The following CPVL variants were observed in gnomAD, a reference collection of about 807,000 sequenced individuals.
CPVL encodes the protein carboxypeptidase vitellogenic like, also known as probable serine carboxypeptidase CPVL.
Under a neutral mutation model 63.7 loss-of-function variants are expected in CPVL, and 51 were observed. The ratio of observed to expected loss-of-function variants is 0.80; its 90% CI spans 0.64 to 1.01. The LOEUF (loss-of-function observed/expected upper bound fraction) is 1.01, where lower values mean the gene tolerates loss of function less well. CPVL is among the 50% of genes least tolerant of loss of function. CPVL has a pLI of 0.00. For missense variants in CPVL, 530 were observed against 573.1 expected, an observed-to-expected ratio of 0.92 and a Z score of 0.77; for synonymous variants, 195 against 206.0, an observed-to-expected ratio of 0.95 and a Z score of 0.46.
At chr7:29,190,904 G>T (rs1478402703) in intron 1 of CPVL, among the ~76,000 whole-genome samples, 1 of 151,442 alleles carries the variant, frequency 6.6e-6, no homozygotes, top group Non-Finnish European at 1.5e-5. Flanking sequence ...CAATACAGGG[G>T]CTGGGCAAAC....
At chr7:29,131,050 G>C (rs1166169474) in intron 1 of CPVL, among the ~76,000 whole-genome samples, 1 of 152,160 alleles carries the variant, frequency 6.6e-6, no homozygotes, top group East Asian at 1.9e-4. Flanking sequence ...AGTCAGTGTA[G>C]CTCTGTTCTT....
At chr7:29,105,993 G>A (rs1234673830) in intron 3 of CPVL, among the ~76,000 whole-genome samples, 1 of 152,234 alleles carries the variant, frequency 6.6e-6, no homozygotes, top group Non-Finnish European at 1.5e-5. Context: ...AAGTTAGGGA[G>A]GGGACCCTTC....
chr7:29,144,869 C>T (rs1274444583), intron 1 of CPVL, among the ~76,000 whole-genome samples: 1 of 152,064 alleles, frequency 6.6e-6, no homozygotes, highest in Non-Finnish European at 1.5e-5. Flanking sequence ...CAGTCAAAAC[C>T]CACCTATTTC....
At chr7:29,023,537 A>C (rs567824890) in intron 12 of CPVL, among the ~76,000 whole-genome samples, 7 of 152,172 alleles carry the variant, frequency 4.6e-5, no homozygotes, top group Non-Finnish European at 8.8e-5. Context: ...TCAGCCAAAT[A>C]ATATGAAGGC....
intron 5 of CPVL, among the ~76,000 whole-genome samples, chr7:29,153,012 A>C (rs192673003): frequency 8.7e-4 from 133 of 152,382 alleles, no homozygotes; most frequent in African/African-American, 3.1e-3. Flanking sequence ...TGGGATGCAC[A>C]GGGAAGGATG....
In CPVL at chr7:29,166,321, C is replaced by T. The variant is rs566429158; in HGVS notation, c.-11+14969G>A. On this transcript the variant is annotated intron_variant, in intron 5 of 16. Transcript: ENST00000409850. ...CTGGGATTAGAGGCATGAGCCACTG[C>T]GCCCAACATGGATAGCAAAGTGTTT... 2.5e-3 allele frequency among the ~76,000 whole-genome samples: 381 copies of T among 152,264 alleles called. 3 individuals carry two copies. Among genetic ancestry groups the T allele is most frequent in the African/African-American group, 8.9e-3 (368 of 41,540 alleles).
chr7:29,171,520 C>T (rs1796601329), intron 5 of CPVL, among the ~76,000 whole-genome samples: 1 of 152,110 alleles, frequency 6.6e-6, no homozygotes, highest in African/African-American at 2.4e-5. Context: ...TCAATTCAGC[C>T]CCGAGCTTTC....
intron 3 of CPVL, among the ~76,000 whole-genome samples, chr7:29,101,901 C>G (rs1477071415): frequency 6.6e-6 from 1 of 152,152 alleles, no homozygotes; most frequent in Non-Finnish European, 1.5e-5. Flanking sequence ...TGCTTATTCA[C>G]TTAACAATAT....
intron 2 of CPVL, among the ~76,000 whole-genome samples, chr7:29,113,499 G>T (rs1268106726): frequency 6.6e-6 from 1 of 152,156 alleles, no homozygotes; most frequent in Non-Finnish European, 1.5e-5. Context: ...CATTGGGACA[G>T]GCACAGGGAA....
chr7:29,001,997 G>T (rs919344282), intron 12 of CPVL, among the ~76,000 whole-genome samples: 2 of 152,202 alleles, frequency 1.3e-5, no homozygotes, highest in African/African-American at 4.8e-5. Flanking sequence ...ACCAAGCCTT[G>T]AGAGAGGCCA....
intron 5 of CPVL, among the ~76,000 whole-genome samples, chr7:29,177,606 TTC>T (rs910747978): frequency 6.6e-6 from 1 of 151,818 alleles, no homozygotes; most frequent in Non-Finnish European, 1.5e-5. Context: ...CCCTCATTTT[TTC>T]TCTCTCTCTT....
rs778757980 is a variant in CPVL at position 29,123,597 on chromosome 7, GAAAAAAAAAAAAAAAAAAAAA to G, written c.-10-2547_-10-2527del. ...ACAATCTTACTCTCTAACTGGTTCAGAAAAAAAAAAAAAAAAAAAAAAAAAAAAAAAATATATATATATATA... is the reference window on the plus strand; with the variant it reads ...ACAATCTTACTCTCTAACTGGTTCAGAAAAAAAAAAATATATATATATATA... On this transcript the variant is annotated intron_variant, in intron 1 of 12. Transcript: ENST00000265394. Among the ~76,000 whole-genome samples, 11 of 41,260 alleles carry G rather than the reference GAAAAAAAAAAAAAAAAAAAAA, an allele frequency of 2.7e-4. No homozygotes were observed. The East Asian group carries it at 8.7e-3, about 33-fold the overall frequency. 27.1% of individuals were successfully genotyped at this position (41,260 alleles called of 152,430 possible). A position where few individuals can be genotyped will look rare whatever the true frequency, so the allele number is the denominator to read the frequency against.
intron 6 of CPVL, 133 bp from the exon 7 acceptor site, chr7:29,086,683 C>T: frequency 1.5e-6 from 1 of 673,186 alleles, no homozygotes; most frequent in Non-Finnish European, 2.7e-6. Flanking sequence ...CTGCTATGAG[C>T]TCCTGTAGGA....
intron 1 of CPVL, chr7:29,193,280 C>G (rs1242716027): frequency 6.6e-6 from 1 of 151,820 alleles, no homozygotes; most frequent in African/African-American, 2.4e-5. Context: ...AAGTTCTAAT[C>G]AACTAGAAAA....
At chr7:29,123,597 G>GAAAAAAAAAAA (rs778757980) in intron 1 of CPVL, among the ~76,000 whole-genome samples, 1 of 41,262 alleles carries the variant, frequency 2.4e-5, no homozygotes. Context: ...AACTGGTTCA[G>GAAAAAAAAAAA]AAAAAAAAAA....
At chr7:29,051,261 TA>T (rs1364709729) in intron 11 of CPVL, among the ~76,000 whole-genome samples, 3 of 152,140 alleles carry the variant, frequency 2.0e-5, no homozygotes, top group Non-Finnish European at 2.9e-5. Context: ...GGGACTTAAT[TA>T]AACAAAAGAG....
chr7:29,171,584 C>T (rs1023482944), intron 5 of CPVL, among the ~76,000 whole-genome samples: 26 of 152,104 alleles, frequency 1.7e-4, no homozygotes, highest in Non-Finnish European at 2.6e-4. Context: ...TAACGTGGAC[C>T]GGAAAGACAA....
intron 4 of CPVL, among the ~76,000 whole-genome samples, chr7:29,183,081 CT>C (rs34942216): frequency 0.11 from 14,638 of 131,736 alleles, 572 homozygotes; most frequent in African/African-American, 0.16. Context: ...ACATGGCAGA[CT>C]TTTTTTTTTT....
chr7:29,029,396 C>T (rs575263980), intron 12 of CPVL, among the ~76,000 whole-genome samples: 1 of 152,296 alleles, frequency 6.6e-6, no homozygotes, highest in Non-Finnish European at 1.5e-5. Flanking sequence ...GACATGGAAT[C>T]ACCCTAAGTG....
Sources: allele counts gnomAD v4.1 joint callset (sites outside exome capture counted in the v4.1 genomes callset), GRCh38; gene constraint gnomAD v4.1.1; transcripts MANE v1.5; gene names NCBI Gene and HGNC (gene_info 2026-07-23, HGNC 2026-07-21).